ARSB: variants seen among roughly 807,000 people sequenced by gnomAD.
The protein encoded by ARSB is N-acetylgalactosamine-4-sulfatase.
A neutral mutation model predicts 50.9 loss-of-function variants in ARSB; 41 were observed. The ratio of observed to expected loss-of-function variants is 0.81; its 90% CI spans 0.63 to 1.04. ARSB has a LOEUF of 1.04. Ranked by LOEUF, ARSB falls within the 50% of genes least tolerant of loss-of-function variation. ARSB has a pLI of 0.00. For missense variants in ARSB, 672 were observed against 693.3 expected, an observed-to-expected ratio of 0.97 and a Z score of 0.35; for synonymous variants, 269 against 284.8, an observed-to-expected ratio of 0.94 and a Z score of 0.56.
intron 4 of ARSB, among the ~76,000 whole-genome samples, chr5:78,943,526 T>C (rs1580102522): frequency 6.6e-6 from 1 of 152,192 alleles, no homozygotes; most frequent in East Asian, 1.9e-4. Context: ...TTATTTCTCC[T>C]TCACTTATGA....
At position 78,902,897 on chromosome 5, in the gene ARSB, T is replaced by C. The variant is rs547685799; in HGVS notation, c.899-17070A>G. On this transcript the variant is annotated intron_variant, in intron 4 of 7. Transcript: ENST00000264914. ...CTAAAAACCAGTGAACTGTATACTTTAAAAGGATGAATTTCATGGTATATG... is the reference window on the plus strand; with the variant it reads ...CTAAAAACCAGTGAACTGTATACTTCAAAAGGATGAATTTCATGGTATATG... 2.5e-3 allele frequency among the ~76,000 whole-genome samples: 380 copies of C among 152,270 alleles called. 3 individuals carry two copies. Among genetic ancestry groups the C allele is most frequent in the Non-Finnish European group, 4.2e-3 (289 of 68,022 alleles).
intron 4 of ARSB, among the ~76,000 whole-genome samples, chr5:78,908,309 G>A (rs368837409): frequency 6.6e-5 from 10 of 152,162 alleles, no homozygotes; most frequent in African/African-American, 1.4e-4. Context: ...TTGGTCTGCC[G>A]CTGGGACTGT....
chr5:78,838,692 A>T (rs1270992002), intron 6 of ARSB, among the ~76,000 whole-genome samples: 2 of 152,228 alleles, frequency 1.3e-5, no homozygotes, highest in African/African-American at 2.4e-5. Context: ...TCTATGCCCA[A>T]ACTCACTATG....
chr5:78,863,569 G>T (rs557838172), intron 5 of ARSB, among the ~76,000 whole-genome samples: 38 of 124,348 alleles, frequency 3.1e-4, no homozygotes, highest in Admixed American at 1.1e-3. Flanking sequence ...AGGACACTTG[G>T]ACACGGGGCG....
intron 6 of ARSB, among the ~76,000 whole-genome samples, chr5:78,796,133 T>C (rs895820142): frequency 6.6e-6 from 1 of 152,246 alleles, no homozygotes; most frequent in Admixed American, 6.5e-5. Context: ...AAGCCACCTA[T>C]ACCTGAAATA....
chr5:78,859,540 G>A (rs1746323024), intron 5 of ARSB, among the ~76,000 whole-genome samples: 1 of 152,134 alleles, frequency 6.6e-6, no homozygotes, highest in Admixed American at 6.5e-5. Context: ...GGAAACTAAA[G>A]AGAAGACCAT....
At chr5:78,850,855 T>A (rs1400796889) in intron 5 of ARSB, among the ~76,000 whole-genome samples, 1 of 152,220 alleles carries the variant, frequency 6.6e-6, no homozygotes, top group Non-Finnish European at 1.5e-5. Context: ...ATAGAGGTGT[T>A]TGTAGTATTC....
At chr5:78,799,606 A>G in intron 6 of ARSB, among the ~76,000 whole-genome samples, 1 of 152,238 alleles carries the variant, frequency 6.6e-6, no homozygotes, top group Middle Eastern at 3.2e-3. Flanking sequence ...CGGAAAACCA[A>G]TTAAGACGGG....
chr5:78,907,661 C>T (rs1255565265), intron 4 of ARSB, among the ~76,000 whole-genome samples: 3 of 152,192 alleles, frequency 2.0e-5, no homozygotes, highest in Non-Finnish European at 2.9e-5. Flanking sequence ...TTCAGGAAGG[C>T]TTTGCGTGGA....
At chr5:78,902,981 A>C (rs1465632521) in intron 4 of ARSB, among the ~76,000 whole-genome samples, 1 of 152,236 alleles carries the variant, frequency 6.6e-6, no homozygotes, top group Non-Finnish European at 1.5e-5. Flanking sequence ...TCAAAGACCT[A>C]AATGCAACAG....
intron 6 of ARSB, among the ~76,000 whole-genome samples, chr5:78,819,991 G>T (rs1744146881): frequency 6.6e-6 from 1 of 152,262 alleles, no homozygotes; most frequent in Non-Finnish European, 1.5e-5. Context: ...ATTGGGAAGT[G>T]ATTAGGCCCT....
intron 4 of ARSB, among the ~76,000 whole-genome samples, chr5:78,912,657 C>G (rs1333291642): frequency 6.6e-6 from 1 of 152,210 alleles, no homozygotes; most frequent in Non-Finnish European, 1.5e-5. Flanking sequence ...GCAACATTAA[C>G]ATTTTGCTCA....
In ARSB at chr5:78,888,272, G is replaced by A. The variant is rs193257891; in HGVS notation, c.899-2445C>T. Among the ~76,000 whole-genome samples, 514 of 152,220 alleles carry A rather than the reference G, an allele frequency of 3.4e-3. 4 individuals carry two copies. The highest frequency in any genetic ancestry group is 5.2e-3 in the Non-Finnish European group (351 of 68,022). ...TTTCATATTGAAGCTGAGCAGACCCGTATATTCAAAACAACAAAAGGTCAC... is the reference window on the plus strand; with the variant it reads ...TTTCATATTGAAGCTGAGCAGACCCATATATTCAAAACAACAAAAGGTCAC... On this transcript the variant is annotated intron_variant, in intron 4 of 7. Transcript: ENST00000264914.
At chr5:78,873,577 G>A (rs1183932931) in intron 5 of ARSB, among the ~76,000 whole-genome samples, 4 of 134,434 alleles carry the variant, frequency 3.0e-5, no homozygotes, top group Admixed American at 8.6e-5. Flanking sequence ...CTCACTGCAA[G>A]CTCCGCCTCC....
chr5:78,859,445 C>G (rs1474712818), intron 5 of ARSB, among the ~76,000 whole-genome samples: 1 of 152,100 alleles, frequency 6.6e-6, no homozygotes, highest in African/African-American at 2.4e-5. Context: ...TCAGGATAAA[C>G]TTCAGGGACT....
intron 5 of ARSB, among the ~76,000 whole-genome samples, chr5:78,865,251 G>A (rs1279076824): frequency 6.6e-6 from 1 of 152,230 alleles, no homozygotes. Context: ...TATAGGCAGA[G>A]GTTCCCAAAC....
Position 78,985,202 on chromosome 5 carries a change from C to G in ARSB, c.47G>C (p.Arg16Pro). The change falls in exon 1 of 8, where the codon CGG (arginine) becomes CCG (proline). Residue 16 changes from arginine to proline, a missense_variant. Physicochemically the swap from Arg to Pro is moderately radical, Grantham distance 103. Transcript: ENST00000264914. ...AASLPRGPGP[R>P]RLLLPVVLPL... ...GAGGACGACGGGGAGGAGCAGCCGCCGAGGTCCGGGGCCTCGGGGCAAGCT... is the reference window on the plus strand; with the variant it reads ...GAGGACGACGGGGAGGAGCAGCCGCGGAGGTCCGGGGCCTCGGGGCAAGCT... 7.2e-7 allele frequency: 1 copy of G among 1,386,494 alleles called. No homozygotes were observed. The highest frequency in any genetic ancestry group is 9.3e-7 in the Non-Finnish European group (1 of 1,072,760). The allele number at this position is 1,386,494 out of a possible 1,614,324, so 85.9% of individuals were successfully genotyped here.
intron 6 of ARSB, among the ~76,000 whole-genome samples, chr5:78,805,939 G>A (rs1743543181): frequency 6.6e-6 from 1 of 152,210 alleles, no homozygotes; most frequent in African/African-American, 2.4e-5. Context: ...CAGAGTCCCT[G>A]CCTTGTTGCT....
At chr5:78,952,945 A>G (rs1375111028) in intron 4 of ARSB, among the ~76,000 whole-genome samples, 1 of 152,060 alleles carries the variant, frequency 6.6e-6, no homozygotes, top group Admixed American at 6.6e-5. Context: ...GATTCTTTCT[A>G]GTGACTTCTC....
Sources: allele counts gnomAD v4.1 joint callset (sites outside exome capture counted in the v4.1 genomes callset), GRCh38; gene constraint gnomAD v4.1.1; transcripts MANE v1.5; gene names NCBI Gene and HGNC (gene_info 2026-07-23, HGNC 2026-07-21).